Variants in LAMA2 observed in about 807,000 individuals in gnomAD.
LAMA2 encodes the protein laminin subunit alpha-2.
Under a neutral mutation model 364.8 loss-of-function variants are expected in LAMA2, and 269 were observed. The ratio of observed to expected loss-of-function variants is 0.74; its 90% CI spans 0.67 to 0.82. The LOEUF (loss-of-function observed/expected upper bound fraction) is 0.82, where lower values mean the gene tolerates loss of function less well. LAMA2 is among the 40% of genes least tolerant of loss of function. The pLI, the probability that LAMA2 is intolerant of heterozygous loss-of-function variation, is 0.00. For synonymous variants in LAMA2, 1,379 were observed against 1,370.6 expected, an observed-to-expected ratio of 1.01 and a Z score of -0.14; for missense variants, 3,807 against 3,873.2, an observed-to-expected ratio of 0.98 and a Z score of 0.45.
At chr6:129,321,369 A>G (rs2114515750) in intron 28 of LAMA2, among the ~76,000 whole-genome samples, 1 of 152,252 alleles carries the variant, frequency 6.6e-6, no homozygotes, top group South Asian at 2.1e-4. Context: ...GAGACCCTGC[A>G]CTGGGTGCTA....
intron 9 of LAMA2, among the ~76,000 whole-genome samples, chr6:129,176,059 G>A (rs1288588383): frequency 6.6e-6 from 1 of 151,306 alleles, no homozygotes; most frequent in African/African-American, 2.4e-5. Context: ...GACTATTTAA[G>A]CCTATAAGTT....
chr6:129,277,992 A>G (rs1788444821), intron 17 of LAMA2, among the ~76,000 whole-genome samples: 1 of 152,106 alleles, frequency 6.6e-6, no homozygotes, highest in African/African-American at 2.4e-5. Flanking sequence ...ACTTGAGGTC[A>G]GGAGTTCAAG....
At chr6:129,500,498 G>T (rs1315859522) in intron 58 of LAMA2, among the ~76,000 whole-genome samples, 3 of 152,132 alleles carry the variant, frequency 2.0e-5, no homozygotes, top group Non-Finnish European at 4.4e-5. Flanking sequence ...GCTTCTTGAG[G>T]GCTGCCCGTT....
chr6:129,498,141 C>A (rs764239215), intron 58 of LAMA2, among the ~76,000 whole-genome samples: 4 of 152,158 alleles, frequency 2.6e-5, no homozygotes, highest in African/African-American at 9.7e-5. Flanking sequence ...TGGCTGCATT[C>A]TTTTACTTGA....
intron 1 of LAMA2, among the ~76,000 whole-genome samples, chr6:128,993,780 C>A (rs750414884): frequency 6.6e-6 from 1 of 152,078 alleles, no homozygotes; most frequent in Non-Finnish European, 1.5e-5. Flanking sequence ...GTTAGTTCCA[C>A]CTGGTTCTTC....
intron 8 of LAMA2, chr6:129,158,016 A>G (rs1427113988): frequency 1.0e-4 from 165 of 1,613,304 alleles, no homozygotes; most frequent in Non-Finnish European, 1.3e-4. Context: ...TTTCTTGATG[A>G]GGATGTTTTT....
At chr6:129,090,631 A>C (rs970074820) in intron 3 of LAMA2, among the ~76,000 whole-genome samples, 2 of 152,184 alleles carry the variant, frequency 1.3e-5, no homozygotes, top group Non-Finnish European at 2.9e-5. Context: ...GCATTTTGCT[A>C]CTTAGGGTTC....
At chr6:129,058,286 G>T (rs1341019258) in intron 2 of LAMA2, among the ~76,000 whole-genome samples, 1 of 152,236 alleles carries the variant, frequency 6.6e-6, no homozygotes, top group Non-Finnish European at 1.5e-5. Flanking sequence ...GGCAGCCCAG[G>T]AGTAGTGGCT....
At chr6:129,040,833 C>T (rs6569578) in intron 1 of LAMA2, among the ~76,000 whole-genome samples, 52,689 of 151,910 alleles carry the variant, frequency 0.35, 11,055 homozygotes, top group African/African-American at 0.59. Context: ...TTTCTTAAAA[C>T]TGAGAAATTT....
chr6:129,460,275 T>C lies in LAMA2; in HGVS notation c.6943T>C (p.Leu2315=), dbSNP rs1165954824. 6.2e-7 allele frequency: 1 copy of C among 1,612,306 alleles called. No homozygotes were observed. The part of the protein sequence containing the change: ...ETYFDNKPIG[L]WNFREKEGDC... The stretch of plus-strand genomic sequence containing the variant: ...ATACTTTGACAACAAACCTATAGGT[T>C]TGTGGAATTTCCGAGAAAAAGAAGG... The change falls in exon 49 of 65, where the codon TTG becomes CTG. Residue 2315 remains leucine, a synonymous_variant. Transcript: ENST00000421865.
chr6:129,358,370 C>T (rs1175583385), intron 32 of LAMA2, among the ~76,000 whole-genome samples: 1 of 151,968 alleles, frequency 6.6e-6, no homozygotes, highest in African/African-American at 2.4e-5. Flanking sequence ...GACAGCTGAT[C>T]ACTGTTGCCT....
At position 129,502,770 on chromosome 6, in the gene LAMA2, C is replaced by A; in HGVS notation, c.8356C>A (p.Arg2786Ser). Residue 2786 changes from arginine to serine, a missense_variant and splice_region_variant, in exon 59 of 65, where the codon CGT becomes AGT. This residue lies in a region of LAMA2 where 3,333 missense variants were observed against 3,345.7 expected (regional missense o/e 1.00). Coordinates refer to ENST00000421865, the MANE Select transcript of LAMA2 (RefSeq NM_000426.4). ...ATTTGATGACACCAAAGTTAAAAAC[C>A]GGTATGTATCATCCTGAGACACTGG... ...IAFDDTKVKN[R>S]LTIELEVRTE... is the part of the protein sequence containing the mutation. The A allele has an allele frequency of 6.3e-7, 1 of 1,586,664 alleles. No homozygotes were observed. Among genetic ancestry groups the A allele is most frequent in the Non-Finnish European group, 8.7e-7 (1 of 1,155,126 alleles).
intron 4 of LAMA2, among the ~76,000 whole-genome samples, chr6:129,131,472 C>T (rs569451543): frequency 1.2e-4 from 18 of 152,184 alleles, no homozygotes; most frequent in Non-Finnish European, 2.4e-4. Context: ...CATGGCCCTG[C>T]AGCTCCCTGT....
chr6:129,274,422 A>G (rs985810963), intron 17 of LAMA2, among the ~76,000 whole-genome samples: 3 of 151,900 alleles, frequency 2.0e-5, no homozygotes, highest in African/African-American at 7.2e-5. Flanking sequence ...TTCAGAGAAA[A>G]AAAAAAAGGG....
chr6:129,474,928 T>A (rs956108455), intron 52 of LAMA2, among the ~76,000 whole-genome samples: 4 of 152,174 alleles, frequency 2.6e-5, no homozygotes, highest in Admixed American at 2.6e-4. Context: ...GAACCAAACA[T>A]TCATAGTTAC....
intron 1 of LAMA2, among the ~76,000 whole-genome samples, chr6:129,029,509 A>T (rs2114730465): frequency 6.6e-6 from 1 of 152,132 alleles, no homozygotes; most frequent in South Asian, 2.1e-4. Flanking sequence ...AGTCAGATTG[A>T]TTCTCAAAAC....
intron 10 of LAMA2, among the ~76,000 whole-genome samples, chr6:129,181,759 G>T (rs1478135306): frequency 6.6e-6 from 1 of 151,750 alleles, no homozygotes; most frequent in Admixed American, 6.6e-5. Flanking sequence ...GAGATTAGAA[G>T]AAGTTGAGGG....
chr6:129,102,562 TA>T (rs1775580288), intron 4 of LAMA2, among the ~76,000 whole-genome samples: 1 of 152,336 alleles, frequency 6.6e-6, no homozygotes, highest in East Asian at 1.9e-4. Flanking sequence ...TCCTTGAGCA[TA>T]AAGTAAAAAT....
chr6:129,120,986 T>C (rs1776773551), intron 4 of LAMA2, among the ~76,000 whole-genome samples: 1 of 152,208 alleles, frequency 6.6e-6, no homozygotes, highest in African/African-American at 2.4e-5. Context: ...AGCTGGACTT[T>C]TCAAGGAGCC....
Sources: gnomAD v4.1 joint callset for allele counts (sites outside exome capture counted in the v4.1 genomes callset) on GRCh38, gnomAD v4.1.1 for gene constraint, gnomAD v4.1.1 regional missense constraint, MANE v1.5 for transcripts, NCBI Gene and HGNC (gene_info 2026-07-23, HGNC 2026-07-21) for gene names.